GFPT2: variants seen among roughly 807,000 people sequenced by gnomAD.
GFPT2 encodes the protein glutamine--fructose-6-phosphate transaminase 2, also known as glutamine--fructose-6-phosphate aminotransferase [isomerizing] 2.
GFPT2 carries 62 observed loss-of-function variants against 85.6 expected under a neutral mutation model. That is an observed-to-expected ratio of 0.72 (90% CI 0.59 to 0.90). The LOEUF is 0.90. Among genes scored for constraint, GFPT2 ranks in the 40% least tolerant of loss-of-function variants. The pLI is 0.00. For synonymous variants in GFPT2, 368 were observed against 344.5 expected, an observed-to-expected ratio of 1.07 and a Z score of -0.75; for missense variants, 788 against 893.4, an observed-to-expected ratio of 0.88 and a Z score of 1.50.
chr5:180,336,214 G>A (rs1764391919), intron 3 of GFPT2: 3 of 576,376 alleles, frequency 5.2e-6, no homozygotes, highest in Admixed American at 6.5e-5. Context: ...CATAAACAGA[G>A]AAGCAGTATC....
chr5:180,303,460 A>G (rs4425468), intron 17 of GFPT2, among the ~76,000 whole-genome samples: 1 of 152,210 alleles, frequency 6.6e-6, no homozygotes, highest in African/African-American at 2.4e-5. Flanking sequence ...GCGCAATGAG[A>G]GTGGGACGCA....
intron 15 of GFPT2, among the ~76,000 whole-genome samples, chr5:180,310,322 C>G (rs1374772105): frequency 6.6e-6 from 1 of 151,388 alleles, no homozygotes; most frequent in African/African-American, 2.4e-5. Context: ...AGGCTGGTCT[C>G]GAACTCCTGA....
chr5:180,319,095 T>A, intron 9 of GFPT2, 139 bp from the exon 10 acceptor site: 1 of 690,962 alleles, frequency 1.4e-6, no homozygotes, highest in Non-Finnish European at 2.4e-6. Context: ...AAAACATTGA[T>A]TTGCAGGTGA....
intron 9 of GFPT2, 98 bp downstream of exon 9, chr5:180,324,090 A>C: frequency 1.3e-6 from 1 of 761,078 alleles, no homozygotes; most frequent in South Asian, 1.6e-5. Context: ...CTGAGCCACG[A>C]TAGCTCACAT....
intron 1 of GFPT2, chr5:180,352,575 C>G (rs1199919085): frequency 4.5e-6 from 2 of 448,936 alleles, no homozygotes; most frequent in Non-Finnish European, 8.9e-6. Context: ...GGCTTCGGGC[C>G]GAGGTTCGGG....
intron 4 of GFPT2, among the ~76,000 whole-genome samples, chr5:180,333,129 C>T (rs72811044): frequency 6.6e-6 from 1 of 152,208 alleles, no homozygotes; most frequent in African/African-American, 2.4e-5. Context: ...GTGCTCTGAT[C>T]GCTTCTTGTG....
chr5:180,320,075 C>T (rs1764088969), intron 9 of GFPT2, among the ~76,000 whole-genome samples: 1 of 152,178 alleles, frequency 6.6e-6, no homozygotes. Context: ...TCACTGCAAG[C>T]TCTGCCTCCC....
intron 9 of GFPT2, among the ~76,000 whole-genome samples, chr5:180,322,230 G>A (rs1273865539): frequency 6.6e-6 from 1 of 152,032 alleles, no homozygotes; most frequent in African/African-American, 2.4e-5. Context: ...AGCTGAGGCA[G>A]GAGGATCCCT....
intron 4 of GFPT2, among the ~76,000 whole-genome samples, chr5:180,332,170 G>C (rs1015708980): frequency 6.9e-6 from 1 of 145,348 alleles, no homozygotes; most frequent in Non-Finnish European, 1.5e-5. Context: ...AGTTCCTGCC[G>C]CACAACCCAG....
At chr5:180,337,881 T>G (rs892868518) in intron 2 of GFPT2, among the ~76,000 whole-genome samples, 24 of 152,150 alleles carry the variant, frequency 1.6e-4, no homozygotes, top group African/African-American at 5.8e-4. Context: ...GCTCACTGGC[T>G]CACACCTACA....
intron 13 of GFPT2, among the ~76,000 whole-genome samples, chr5:180,315,231 G>A (rs1020401562): frequency 1.5e-4 from 22 of 150,794 alleles, no homozygotes; most frequent in Non-Finnish European, 1.2e-4. Flanking sequence ...AGGCTGGAGT[G>A]CAGTGGCGCG....
intron 4 of GFPT2, among the ~76,000 whole-genome samples, chr5:180,333,290 A>G (rs924064638): frequency 2.6e-5 from 4 of 151,176 alleles, no homozygotes; most frequent in Non-Finnish European, 5.9e-5. Flanking sequence ...GCTGGAGTGC[A>G]GTGGCGCGAG....
intron 15 of GFPT2, 42 bp from the exon 16 acceptor site, chr5:180,307,345 G>T: frequency 6.2e-7 from 1 of 1,606,816 alleles, no homozygotes; most frequent in Non-Finnish European, 8.5e-7. Context: ...CAGTCAGGCC[G>T]ACTTTAAAGC....
chr5:180,345,775 G>A (rs1764595312), intron 1 of GFPT2, among the ~76,000 whole-genome samples: 1 of 152,170 alleles, frequency 6.6e-6, no homozygotes, highest in South Asian at 2.1e-4. Flanking sequence ...TGCCAGAGAA[G>A]GTAGCCTTTG....
intron 3 of GFPT2, 52 bp from the exon 4 acceptor site, chr5:180,336,005 A>G: frequency 6.6e-7 from 1 of 1,513,346 alleles, no homozygotes; most frequent in South Asian, 1.3e-5. Flanking sequence ...GCCTCGACCC[A>G]GGACTGTGAG....
rs1764285780 is a variant in GFPT2, at chr5:180,330,705, G to A, written c.529C>T (p.Gln177Ter). The A allele has an allele frequency of 6.2e-7, 1 of 1,611,810 alleles. No homozygotes were observed. The highest frequency in any genetic ancestry group is 1.3e-5 in the African/African-American group (1 of 74,884). Residue 177 changes from glutamine (Q) to a stop codon, truncating the protein, a stop_gained, in exon 6 of 19, where the codon CAG becomes TAG. Transcript: ENST00000253778. LOFTEE classifies it high-confidence loss of function. The surrounding 1 kb of genome is among the most constrained non-coding windows in gnomAD (Gnocchi z 4.4). ...AGATGGGATTTGTAACTCACCAACT[G>A]CTGAATGACTCTCTCGACCAACGTT... Reference protein sequence around the residue: ...FSTLVERVIQQLEGAFALVFK... With the variant: ...FSTLVERVIQ
At chr5:180,305,844 A>C (rs900968501) in intron 16 of GFPT2, among the ~76,000 whole-genome samples, 4 of 152,294 alleles carry the variant, frequency 2.6e-5, no homozygotes, top group African/African-American at 4.8e-5. Flanking sequence ...AGGAGTCAGA[A>C]TCTCCAGGGG....
At chr5:180,352,338 G>GC (rs777517001) in intron 1 of GFPT2, 1 of 284,150 alleles carries the variant, frequency 3.5e-6, no homozygotes, top group Non-Finnish European at 6.6e-6. Context: ...TCCTACTCAA[G>GC]GAAAAAAAAA....
At chr5:180,325,727 GA>G (rs1764200346) in intron 7 of GFPT2, among the ~76,000 whole-genome samples, 1 of 152,240 alleles carries the variant, frequency 6.6e-6, no homozygotes, top group Non-Finnish European at 1.5e-5. Context: ...TGGACGTGAT[GA>G]AGATCTCATG....
Sources: gnomAD v4.1 joint callset for allele counts (sites outside exome capture counted in the v4.1 genomes callset) on GRCh38, gnomAD v4.1.1 for gene constraint, Gnocchi (gnomAD v3.1) non-coding constraint, MANE v1.5 for transcripts, NCBI Gene and HGNC (gene_info 2026-07-23, HGNC 2026-07-21) for gene names.